The following CTNNA2 variants were observed in gnomAD, a reference collection of about 807,000 sequenced individuals.
CTNNA2 encodes catenin alpha-2.
Under a neutral mutation model 101.0 loss-of-function variants are expected in CTNNA2, and 42 were observed. That is an observed-to-expected ratio of 0.42 (90% CI 0.32 to 0.54). The LOEUF is 0.54. CTNNA2 is among the 20% of genes least tolerant of loss of function. The pLI is 0.14. For synonymous variants in CTNNA2, 450 were observed against 456.4 expected, an observed-to-expected ratio of 0.99 and a Z score of 0.18; for missense variants, 871 against 1,223.1, an observed-to-expected ratio of 0.71 and a Z score of 4.29.
At chr2:80,594,320 C>A (rs1696762316) in intron 15 of CTNNA2, among the ~76,000 whole-genome samples, 2 of 151,878 alleles carry the variant, frequency 1.3e-5, no homozygotes, top group African/African-American at 4.8e-5. Context: ...GTCTTTTGCC[C>A]ATTTTTTAGT....
chr2:80,389,690 A>G (rs1211665889), intron 7 of CTNNA2, among the ~76,000 whole-genome samples: 1 of 152,178 alleles, frequency 6.6e-6, no homozygotes, highest in Admixed American at 6.5e-5. Context: ...TTCCTGCACA[A>G]ATACCTTATT....
intron 7 of CTNNA2, among the ~76,000 whole-genome samples, chr2:80,023,036 A>G (rs1694680142): frequency 6.6e-6 from 1 of 152,196 alleles, no homozygotes; most frequent in South Asian, 2.1e-4. Context: ...CAGCTTGTCC[A>G]TGCTCCAAAT....
chr2:80,507,073 A>C (rs1688333209), intron 9 of CTNNA2, among the ~76,000 whole-genome samples: 1 of 152,196 alleles, frequency 6.6e-6, no homozygotes. Context: ...TTTCTCAGAC[A>C]AACTCCAAGA....
intron 7 of CTNNA2, among the ~76,000 whole-genome samples, chr2:80,382,758 C>T (rs1453224229): frequency 6.6e-6 from 1 of 152,138 alleles, no homozygotes; most frequent in Non-Finnish European, 1.5e-5. Flanking sequence ...CAATGTGGAC[C>T]CAGTTATTGA....
intron 4 of CTNNA2, among the ~76,000 whole-genome samples, chr2:79,456,368 C>A (rs1375905959): frequency 6.6e-6 from 1 of 151,364 alleles, no homozygotes; most frequent in Non-Finnish European, 1.5e-5. Context: ...AATTCTGAAT[C>A]CTTTAATAAA....
At chr2:79,675,487 G>A (rs1465302629) in intron 2 of CTNNA2, among the ~76,000 whole-genome samples, 1 of 152,134 alleles carries the variant, frequency 6.6e-6, no homozygotes, top group Non-Finnish European at 1.5e-5. Flanking sequence ...GAATTATATG[G>A]CTGCTCTGTA....
intron 2 of CTNNA2, among the ~76,000 whole-genome samples, chr2:79,653,521 T>A (rs1475178821): frequency 2.6e-5 from 4 of 152,170 alleles, no homozygotes; most frequent in African/African-American, 9.7e-5. Flanking sequence ...ATCCATGAAT[T>A]ACATGCCTAA....
chr2:80,519,913 G>A (rs115591358), intron 9 of CTNNA2, among the ~76,000 whole-genome samples: 253 of 152,290 alleles, frequency 1.7e-3, no homozygotes, highest in African/African-American at 5.6e-3. Context: ...GGAACAACAT[G>A]CAGTGGACCA....
At chr2:80,176,219 T>A (rs564727367) in intron 7 of CTNNA2, among the ~76,000 whole-genome samples, 74 of 152,352 alleles carry the variant, frequency 4.9e-4, no homozygotes, top group Middle Eastern at 6.8e-3. Context: ...AGGTCATAAT[T>A]ATGCCTAACA....
intron 7 of CTNNA2, among the ~76,000 whole-genome samples, chr2:80,221,042 C>T (rs889202689): frequency 2.0e-5 from 3 of 152,054 alleles, no homozygotes; most frequent in South Asian, 2.1e-4. Flanking sequence ...CCAAGCATGC[C>T]GGGCTAATTT....
intron 7 of CTNNA2, among the ~76,000 whole-genome samples, chr2:79,996,198 T>C (rs1692532561): frequency 6.6e-6 from 1 of 152,234 alleles, no homozygotes. Context: ...GCTATATTGC[T>C]AGTTTATTGA....
chr2:80,352,033 T>C (rs1673349733), intron 7 of CTNNA2, among the ~76,000 whole-genome samples: 1 of 152,118 alleles, frequency 6.6e-6, no homozygotes, highest in Non-Finnish European at 1.5e-5. Context: ...TTTTGTTCTT[T>C]CATGTCTGTC....
chr2:80,545,880 T>A, intron 10 of CTNNA2, 27 bp from the exon 11 acceptor site: 1 of 1,609,654 alleles, frequency 6.2e-7, no homozygotes. Flanking sequence ...GTGGTCATCA[T>A]GTCCCTGGAT....
chr2:80,626,171 G>A (rs1029068434), intron 18 of CTNNA2, among the ~76,000 whole-genome samples: 2 of 151,960 alleles, frequency 1.3e-5, no homozygotes, highest in African/African-American at 2.4e-5. Context: ...TTAAAAATTT[G>A]TATATAGTTT....
At chr2:79,349,898 A>G (rs1037027174) in intron 3 of CTNNA2, among the ~76,000 whole-genome samples, 9 of 151,690 alleles carry the variant, frequency 5.9e-5, no homozygotes, top group African/African-American at 2.2e-4. Context: ...TTACGGTGAA[A>G]CCCTGTCTCT....
chr2:80,221,187 C>T (rs193107845), intron 7 of CTNNA2, among the ~76,000 whole-genome samples: 198 of 152,274 alleles, frequency 1.3e-3, no homozygotes, highest in Non-Finnish European at 2.3e-3. Flanking sequence ...CCAGCCCTTC[C>T]CGTTTTTATT....
At chr2:80,438,254 G>T (rs1465440455) in intron 9 of CTNNA2, among the ~76,000 whole-genome samples, 1 of 152,120 alleles carries the variant, frequency 6.6e-6, no homozygotes, top group African/African-American at 2.4e-5. Context: ...ACACAAATCA[G>T]ATTGGATTAG....
intron 6 of CTNNA2, among the ~76,000 whole-genome samples, chr2:79,898,087 G>A (rs2104260961): frequency 6.6e-6 from 1 of 152,174 alleles, no homozygotes; most frequent in South Asian, 2.1e-4. Context: ...CTTAACCCCT[G>A]TAACATTTTA....
At chr2:80,047,585 G>T (rs1398944241) in intron 7 of CTNNA2, among the ~76,000 whole-genome samples, 1 of 152,140 alleles carries the variant, frequency 6.6e-6, no homozygotes, top group Non-Finnish European at 1.5e-5. Context: ...CAGGAAGAGA[G>T]CAGCCTACAT....
Sources: allele counts gnomAD v4.1 joint callset (sites outside exome capture counted in the v4.1 genomes callset), GRCh38; gene constraint gnomAD v4.1.1; transcripts MANE v1.5; gene names NCBI Gene and HGNC (gene_info 2026-07-23, HGNC 2026-07-21).